The following BTBD1 variants were observed in gnomAD, a reference collection of about 807,000 sequenced individuals.
BTBD1 encodes BTB domain containing 1.
BTBD1 carries 34 observed loss-of-function variants against 48.0 expected under a neutral mutation model. That is an observed-to-expected ratio of 0.71 (90% confidence interval 0.54 to 0.94). BTBD1 has a LOEUF of 0.94. Ranked by LOEUF, BTBD1 falls within the 40% of genes least tolerant of loss-of-function variation. BTBD1 has a pLI of 0.00. For synonymous variants in BTBD1, 261 were observed against 242.1 expected, an observed-to-expected ratio of 1.08 and a Z score of -0.72; for missense variants, 543 against 625.6, an observed-to-expected ratio of 0.87 and a Z score of 1.41.
chr15:83,052,103 C>G (rs1013489998), intron 2 of BTBD1, among the ~76,000 whole-genome samples: 1 of 152,070 alleles, frequency 6.6e-6, no homozygotes, highest in Admixed American at 6.5e-5. Context: ...ACCACAGGCG[C>G]CTGCCACCAC....
intron 1 of BTBD1, among the ~76,000 whole-genome samples, chr15:83,057,514 CA>C (rs1394871214): frequency 1.3e-5 from 2 of 152,206 alleles, no homozygotes; most frequent in African/African-American, 4.8e-5. Flanking sequence ...TTTCCCTCTG[CA>C]TTTTGGAAGA....
At chr15:83,034,339 T>C (rs973210984) in intron 4 of BTBD1, among the ~76,000 whole-genome samples, 1 of 152,154 alleles carries the variant, frequency 6.6e-6, no homozygotes, top group Non-Finnish European at 1.5e-5. Flanking sequence ...ACAAGAAGTT[T>C]AGGCCAGGCG....
chr15:83,042,361 T>C (rs1234681971), intron 3 of BTBD1, among the ~76,000 whole-genome samples: 1 of 122,664 alleles, frequency 8.2e-6, no homozygotes, highest in Non-Finnish European at 1.7e-5. Context: ...TATATATATA[T>C]ATATATATAT....
At position 83,041,896 on chromosome 15, in the gene BTBD1, T is replaced by C. The variant is rs2032768068; in HGVS notation, c.694A>G (p.Thr232Ala). 1.2e-6 allele frequency: 2 copies of C among 1,614,062 alleles called. No homozygotes were observed. The highest frequency in any genetic ancestry group is 1.7e-6 in the Non-Finnish European group (2 of 1,180,050). The change falls in exon 4 of 8, where the codon ACA becomes GCA. Residue 232 changes from threonine (T) to alanine (A), a missense_variant. Physicochemically the swap from Thr to Ala is moderately conservative, Grantham distance 58. Coordinates refer to ENST00000261721, the MANE Select transcript of BTBD1 (RefSeq NM_025238.4). ...DTLCAVLERD[T>A]LSIRESRLFG... ...AGTCGACTTTCTCGAATACTGAGTG[T>C]GTCTCTCTCTAAAACTGCACAGAGT...
At chr15:83,039,777 CAAA>C (rs34059984) in intron 4 of BTBD1, among the ~76,000 whole-genome samples, 2 of 97,490 alleles carry the variant, frequency 2.1e-5, no homozygotes, top group Non-Finnish European at 4.2e-5. Flanking sequence ...GGCTCTGTCT[CAAA>C]AAAAAAAAAA....
At chr15:83,066,721 C>A in intron 1 of BTBD1, 30 bp downstream of exon 1, 1 of 1,277,192 alleles carries the variant, frequency 7.8e-7, no homozygotes, top group Non-Finnish European at 9.9e-7. Context: ...CGGCCCGGCC[C>A]GGCCCGGCCC....
chr15:83,055,414 T>G (rs988593136), intron 2 of BTBD1, among the ~76,000 whole-genome samples: 4 of 151,634 alleles, frequency 2.6e-5, no homozygotes, highest in African/African-American at 9.7e-5. Context: ...TGTGCCACCA[T>G]GCTCGGCTAA....
At chr15:83,065,706 CT>C (rs1395432940) in intron 1 of BTBD1, among the ~76,000 whole-genome samples, 4 of 152,204 alleles carry the variant, frequency 2.6e-5, no homozygotes, top group African/African-American at 9.6e-5. Flanking sequence ...ATACTTGACT[CT>C]TCTGGGCCTC....
intron 3 of BTBD1, among the ~76,000 whole-genome samples, chr15:83,043,480 T>C (rs1470640622): frequency 6.6e-6 from 1 of 152,156 alleles, no homozygotes; most frequent in Non-Finnish European, 1.5e-5. Flanking sequence ...TCACATTTTA[T>C]GTTCTGAAAG....
intron 1 of BTBD1, among the ~76,000 whole-genome samples, chr15:83,057,193 AG>A (rs1191766285): frequency 1.3e-5 from 2 of 152,224 alleles, no homozygotes; most frequent in African/African-American, 4.8e-5. Flanking sequence ...ACCAAGGCTG[AG>A]GAAACAGGAG....
At position 83,067,201 on chromosome 15, in the gene BTBD1, G is replaced by A. The variant is rs755028681; in HGVS notation, c.-50C>T. On this transcript the variant is annotated 5_prime_UTR_variant, in exon 1 of 8. Transcript: ENST00000261721. ...TTATGGACAAAACTCCGCCGCCATC[G>A]CCCAGGCCGCCTCCGGAGGCCGGCG... The A allele has an allele frequency of 1.5e-5, 20 of 1,343,760 alleles. No homozygotes were observed. Among genetic ancestry groups the A allele is most frequent in the Admixed American group, 3.7e-5 (1 of 26,812 alleles). The allele number at this position is 1,343,760 out of a possible 1,614,324, so 83.2% of individuals were successfully genotyped here.
intron 1 of BTBD1, among the ~76,000 whole-genome samples, chr15:83,063,632 A>G (rs2033211148): frequency 6.6e-6 from 1 of 151,992 alleles, no homozygotes; most frequent in Admixed American, 6.6e-5. Flanking sequence ...CGCCTCCCCA[A>G]TCTCATTCAA....
intron 5 of BTBD1, among the ~76,000 whole-genome samples, chr15:83,025,107 C>T (rs1364174187): frequency 6.6e-6 from 1 of 152,006 alleles, no homozygotes; most frequent in Non-Finnish European, 1.5e-5. Flanking sequence ...AATCCCAGTA[C>T]TTTGAGAGGC....
chr15:83,044,570 G>A, intron 3 of BTBD1: 1 of 1,597,674 alleles, frequency 6.3e-7, no homozygotes, highest in Admixed American at 1.7e-5. Context: ...CTTGTACCCT[G>A]GGAGAGAAGT....
At chr15:83,056,696 C>A in intron 1 of BTBD1, 151 bp from the exon 2 acceptor site, 1 of 598,198 alleles carries the variant, frequency 1.7e-6, no homozygotes, top group Admixed American at 3.0e-5. Flanking sequence ...CCCAGCCATC[C>A]ATTCATCTAT....
intron 4 of BTBD1, among the ~76,000 whole-genome samples, chr15:83,035,245 G>C (rs2032602891): frequency 6.6e-6 from 1 of 152,152 alleles, no homozygotes; most frequent in African/African-American, 2.4e-5. Flanking sequence ...AGTGAGCCAA[G>C]ATCATGCCAC....
chr15:83,044,325 C>T (rs192658778), intron 3 of BTBD1: 10 of 1,141,510 alleles, frequency 8.8e-6, no homozygotes, highest in African/African-American at 3.1e-5. Flanking sequence ...CTGCCCACGC[C>T]GACGGCAACC....
chr15:83,026,961 G>A (rs1047287767), intron 5 of BTBD1, among the ~76,000 whole-genome samples: 1 of 149,610 alleles, frequency 6.7e-6, no homozygotes, highest in African/African-American at 2.5e-5. Flanking sequence ...CTGCTCCTAG[G>A]GGAAATACGT....
At chr15:83,033,942 G>A (rs1000211390) in intron 4 of BTBD1, among the ~76,000 whole-genome samples, 7 of 150,924 alleles carry the variant, frequency 4.6e-5, no homozygotes, top group African/African-American at 1.7e-4. Flanking sequence ...TAATAACAAG[G>A]GCAACCCACT....
Sources: allele counts gnomAD v4.1 joint callset (sites outside exome capture counted in the v4.1 genomes callset), GRCh38; gene constraint gnomAD v4.1.1; transcripts MANE v1.5; gene names NCBI Gene and HGNC (gene_info 2026-07-23, HGNC 2026-07-21).